Variants in CSTF3 observed in about 807,000 individuals in gnomAD.
The protein encoded by CSTF3 is CF-1 77 kDa subunit.
CSTF3 carries 29 observed loss-of-function variants against 105.8 expected under a neutral mutation model. That is an observed-to-expected ratio of 0.27 (90% CI 0.20 to 0.37). The LOEUF (loss-of-function observed/expected upper bound fraction) is 0.37, where lower values mean the gene tolerates loss of function less well. Among genes scored for constraint, CSTF3 ranks in the 10% least tolerant of loss-of-function variants. The pLI, the probability that CSTF3 is intolerant of heterozygous loss-of-function variation, is 1.00. For synonymous variants in CSTF3, 252 were observed against 281.9 expected, an observed-to-expected ratio of 0.89 and a Z score of 1.06; for missense variants, 357 against 879.3, an observed-to-expected ratio of 0.41 and a Z score of 7.51.
intron 1 of CSTF3, among the ~76,000 whole-genome samples, chr11:33,150,556 AAAAG>A (rs1254713261): frequency 3.3e-5 from 5 of 152,248 alleles, no homozygotes; most frequent in Admixed American, 2.6e-4. Flanking sequence ...ACAACTGGCT[AAAAG>A]AAAGAAGGTA....
chr11:33,157,530 A>G (rs886207596), intron 1 of CSTF3, among the ~76,000 whole-genome samples: 1 of 152,190 alleles, frequency 6.6e-6, no homozygotes, highest in Non-Finnish European at 1.5e-5. Context: ...CTTGAACACT[A>G]TAAGGTAATT....
In CSTF3 at chr11:33,102,220, G is replaced by A; in HGVS notation, c.783C>T (p.Ser261=). The part of the protein sequence containing the change: ...MWKKYIQWEK[S]NPLRTEDQTL... Reference sequence around the variant, plus strand: ...TCTGATCCTCTGTACGAAGAGGGTTGCTCTTTTCCCACTGTATATATTTCT... The same window carrying A: ...TCTGATCCTCTGTACGAAGAGGGTTACTCTTTTCCCACTGTATATATTTCT... Residue 261 remains serine, a synonymous_variant, in exon 10 of 21, where the codon AGC becomes AGT. Transcript: ENST00000323959. The A allele has an allele frequency of 1.2e-6, 2 of 1,613,910 alleles. No individual in the cohort carries two copies. The highest frequency in any genetic ancestry group is 1.7e-6 in the Non-Finnish European group (2 of 1,179,822).
At chr11:33,116,953 G>C (rs1855436902) in intron 3 of CSTF3, among the ~76,000 whole-genome samples, 1 of 151,822 alleles carries the variant, frequency 6.6e-6, no homozygotes, top group African/African-American at 2.4e-5. Flanking sequence ...AGAATGAAAA[G>C]TGTTATGAGA....
intron 3 of CSTF3, among the ~76,000 whole-genome samples, chr11:33,123,889 T>C (rs1855518085): frequency 6.6e-6 from 1 of 152,052 alleles, no homozygotes; most frequent in South Asian, 2.1e-4. Context: ...TATTTTAATA[T>C]ATACACATAT....
intron 3 of CSTF3, among the ~76,000 whole-genome samples, chr11:33,138,345 G>A (rs911009703): frequency 4.0e-5 from 6 of 151,724 alleles, no homozygotes. Context: ...TACATGAAAA[G>A]CTACAGAAAC....
At chr11:33,112,920 T>C (rs1469437990) in intron 3 of CSTF3, among the ~76,000 whole-genome samples, 1 of 152,102 alleles carries the variant, frequency 6.6e-6, no homozygotes, top group Non-Finnish European at 1.5e-5. Flanking sequence ...TAAAGACCAT[T>C]ATAAACCACA....
intron 3 of CSTF3, among the ~76,000 whole-genome samples, chr11:33,124,112 T>A (rs550976234): frequency 7.9e-5 from 12 of 152,100 alleles, no homozygotes; most frequent in African/African-American, 2.9e-4. Flanking sequence ...ATGTATAATA[T>A]TGTCAAAACT....
intron 13 of CSTF3, among the ~76,000 whole-genome samples, chr11:33,098,233 A>G (rs1855244560): frequency 6.6e-6 from 1 of 152,156 alleles, no homozygotes; most frequent in Admixed American, 6.5e-5. Flanking sequence ...ATGATAGAGC[A>G]GGATTTAGCA....
At chr11:33,146,665 A>C (rs1159342083) in intron 1 of CSTF3, among the ~76,000 whole-genome samples, 2 of 151,740 alleles carry the variant, frequency 1.3e-5, no homozygotes, top group Non-Finnish European at 1.5e-5. Context: ...ATGGAAAATA[A>C]AAAGTGATGG....
chr11:33,130,357 C>T (rs1260117475), intron 3 of CSTF3, among the ~76,000 whole-genome samples: 2 of 152,086 alleles, frequency 1.3e-5, no homozygotes, highest in Admixed American at 6.5e-5. Context: ...CCTGTAATCC[C>T]AGCTACTCGG....
intron 3 of CSTF3, among the ~76,000 whole-genome samples, chr11:33,131,475 C>G (rs1855597951): frequency 6.6e-6 from 1 of 152,176 alleles, no homozygotes; most frequent in Non-Finnish European, 1.5e-5. Flanking sequence ...TTTTAGATTT[C>G]TTAGGTCAGT....
intron 3 of CSTF3, among the ~76,000 whole-genome samples, chr11:33,140,786 A>G (rs1196519386): frequency 1.3e-5 from 2 of 152,096 alleles, no homozygotes; most frequent in African/African-American, 4.8e-5. Context: ...AGAGTACTGC[A>G]TAAGTTACAA....
intron 7 of CSTF3, 26 bp downstream of exon 7, chr11:33,105,857 T>TAA: frequency 1.3e-6 from 2 of 1,523,708 alleles, no homozygotes; most frequent in Non-Finnish European, 1.8e-6. Flanking sequence ...ACTGTAGATG[T>TAA]AAAAAAAAAC....
intron 3 of CSTF3, among the ~76,000 whole-genome samples, chr11:33,133,302 C>G (rs771308183): frequency 2.6e-5 from 4 of 152,164 alleles, no homozygotes; most frequent in Non-Finnish European, 5.9e-5. Flanking sequence ...ATGGAGTGGA[C>G]AGTTGTTAGA....
intron 3 of CSTF3, among the ~76,000 whole-genome samples, chr11:33,140,740 C>A (rs1855701911): frequency 6.6e-6 from 1 of 151,942 alleles, no homozygotes; most frequent in Non-Finnish European, 1.5e-5. Context: ...CTTGATTATG[C>A]TGAAAATCTA....
intron 1 of CSTF3, among the ~76,000 whole-genome samples, chr11:33,151,996 G>C (rs1382327591): frequency 6.6e-6 from 1 of 152,142 alleles, no homozygotes; most frequent in South Asian, 2.1e-4. Context: ...ATCTTCTTTG[G>C]AGAAATGTCT....
chr11:33,153,417 G>A (rs1262672584), intron 1 of CSTF3, among the ~76,000 whole-genome samples: 2 of 152,178 alleles, frequency 1.3e-5, no homozygotes, highest in East Asian at 1.9e-4. Flanking sequence ...TTATTAGGAG[G>A]TTGTTAATGG....
rs547636253 is a variant in CSTF3, at chr11:33,146,611, T to G, written c.28-4625A>C. Among the ~76,000 whole-genome samples the G allele has an allele frequency of 1.3e-4, 14 of 103,836 alleles. No homozygotes were observed. The South Asian group carries it at 4.6e-3, about 34-fold the overall frequency. The allele number at this position is 103,836 out of a possible 152,430, so 68.1% of individuals were successfully genotyped here. On this transcript the variant is annotated intron_variant, in intron 1 of 20. Transcript: ENST00000323959. ...AGGACCAATTAAATAAATTATGGAA[T>G]TTGTAGTCACTTAAAAAAAAAAAAA...
intron 1 of CSTF3, among the ~76,000 whole-genome samples, chr11:33,150,512 A>G (rs1373842132): frequency 6.6e-6 from 1 of 152,198 alleles, no homozygotes; most frequent in Non-Finnish European, 1.5e-5. Context: ...CCAATGACTT[A>G]ATTTTATCTT....
Sources: allele counts gnomAD v4.1 joint callset (sites outside exome capture counted in the v4.1 genomes callset), GRCh38; gene constraint gnomAD v4.1.1; transcripts MANE v1.5; gene names NCBI Gene and HGNC (gene_info 2026-07-23, HGNC 2026-07-21).